Variants in WWOX observed in about 807,000 individuals in gnomAD.
WWOX encodes WW domain-containing oxidoreductase.
Under a neutral mutation model 46.2 loss-of-function variants are expected in WWOX, and 69 were observed. The ratio of observed to expected loss-of-function variants is 1.49; its 90% CI spans 1.23 to 1.82. The LOEUF (loss-of-function observed/expected upper bound fraction) is 1.82. Ranked by LOEUF, WWOX falls within the 40% of genes most tolerant of loss-of-function variation. The pLI is 0.00. For missense variants in WWOX, 919 were observed against 542.6 expected (o/e 1.69, Z -6.89); for synonymous variants, 359 against 202.6 (o/e 1.77, Z -6.56).
chr16:79,100,758 C>G (rs1395351871), intron 8 of WWOX, among the ~76,000 whole-genome samples: 1 of 152,096 alleles, frequency 6.6e-6, no homozygotes, highest in Non-Finnish European at 1.5e-5. Flanking sequence ...GGGACTGGGG[C>G]TGGGCTTGCA....
At chr16:78,929,537 G>C (rs755004341) in intron 8 of WWOX, among the ~76,000 whole-genome samples, 1 of 152,140 alleles carries the variant, frequency 6.6e-6, no homozygotes, top group Non-Finnish European at 1.5e-5. Context: ...TGGGATCCGA[G>C]TGAGATGGCC....
At chr16:78,975,593 A>G (rs567178373) in intron 8 of WWOX, among the ~76,000 whole-genome samples, 1 of 152,138 alleles carries the variant, frequency 6.6e-6, no homozygotes, top group East Asian at 1.9e-4. Flanking sequence ...CACATGGTAT[A>G]TGCCTCGTAA....
intron 8 of WWOX, among the ~76,000 whole-genome samples, chr16:79,121,736 T>C (rs1434916053): frequency 2.0e-5 from 3 of 151,832 alleles, no homozygotes; most frequent in Admixed American, 6.6e-5. Flanking sequence ...TTGCTGGGAG[T>C]CTGAGATAGA....
At chr16:78,140,265 C>A (rs542850739) in intron 4 of WWOX, among the ~76,000 whole-genome samples, 1 of 152,166 alleles carries the variant, frequency 6.6e-6, no homozygotes, top group Non-Finnish European at 1.5e-5. Flanking sequence ...TAAGAGTAAG[C>A]AGAATCTACC....
chr16:78,430,233 G>A (rs1458578626), intron 7 of WWOX, among the ~76,000 whole-genome samples: 1 of 152,090 alleles, frequency 6.6e-6, no homozygotes, highest in East Asian at 1.9e-4. Flanking sequence ...CATGAGAACA[G>A]TATGGGAGAA....
chr16:78,965,260 A>C (rs1176109531), intron 8 of WWOX, among the ~76,000 whole-genome samples: 1 of 152,198 alleles, frequency 6.6e-6, no homozygotes, highest in African/African-American at 2.4e-5. Flanking sequence ...ATGGTTGAAC[A>C]AGATGTTTAA....
chr16:79,103,544 A>G (rs576195309), intron 8 of WWOX, among the ~76,000 whole-genome samples: 1 of 152,246 alleles, frequency 6.6e-6, no homozygotes, highest in African/African-American at 2.4e-5. Context: ...GAACATGGAG[A>G]AAAGGGTGAT....
intron 8 of WWOX, among the ~76,000 whole-genome samples, chr16:78,556,672 T>G (rs1158740936): frequency 6.6e-6 from 1 of 152,172 alleles, no homozygotes; most frequent in Admixed American, 6.5e-5. Context: ...ACAACACTGC[T>G]TTGTATTTGT....
At chr16:79,050,158 C>T (rs1040410871) in intron 8 of WWOX, among the ~76,000 whole-genome samples, 5 of 152,120 alleles carry the variant, frequency 3.3e-5, no homozygotes, top group East Asian at 3.9e-4. Context: ...TTACTTCTCA[C>T]GTGTGTGTGG....
At chr16:79,124,922 T>C (rs1404232192) in intron 8 of WWOX, among the ~76,000 whole-genome samples, 1 of 152,208 alleles carries the variant, frequency 6.6e-6, no homozygotes, top group Non-Finnish European at 1.5e-5. Flanking sequence ...ACTGTCCTCA[T>C]TTTCAAGCTG....
intron 5 of WWOX, among the ~76,000 whole-genome samples, chr16:78,242,929 A>G (rs868839815): frequency 6.6e-6 from 1 of 152,012 alleles, no homozygotes; most frequent in Non-Finnish European, 1.5e-5. Context: ...AATTGCTTGA[A>G]CCTGGGAGGT....
At chr16:78,977,449 G>T (rs546798478) in intron 8 of WWOX, among the ~76,000 whole-genome samples, 1 of 152,290 alleles carries the variant, frequency 6.6e-6, no homozygotes, top group African/African-American at 2.4e-5. Flanking sequence ...CACACCAGAA[G>T]CTATAAGGAG....
chr16:78,944,425 A>G (rs1422566291), intron 8 of WWOX, among the ~76,000 whole-genome samples: 1 of 152,198 alleles, frequency 6.6e-6, no homozygotes, highest in African/African-American at 2.4e-5. Flanking sequence ...GTCAAATTAT[A>G]AACAGGTGAT....
intron 8 of WWOX, among the ~76,000 whole-genome samples, chr16:78,597,577 A>G (rs1442174722): frequency 1.3e-5 from 2 of 152,196 alleles, no homozygotes; most frequent in Non-Finnish European, 2.9e-5. Flanking sequence ...GCCAGGACTT[A>G]GATTTTTCTG....
chr16:79,096,984 G>C (rs866446021), intron 8 of WWOX, among the ~76,000 whole-genome samples: 1 of 152,132 alleles, frequency 6.6e-6, no homozygotes, highest in African/African-American at 2.4e-5. Context: ...AAGGGGGCAT[G>C]CTGTCATTCG....
rs1597165980 is a variant in WWOX at position 78,930,566 on chromosome 16, C to T, written c.1057-281042C>T. Among the ~76,000 whole-genome samples the T allele has an allele frequency of 4.0e-5, 6 of 149,236 alleles. No homozygotes were observed. The South Asian group carries it at 1.3e-3, about 32-fold the overall frequency. On this transcript the variant is annotated intron_variant, in intron 8 of 8. Transcript: ENST00000566780. ...TCAGCCTCCCAAAGTGCTGGGATCA[C>T]AGGCATAGGCTGCTGCACCAGGCAA...
intron 8 of WWOX, among the ~76,000 whole-genome samples, chr16:78,615,532 C>G (rs772062979): frequency 6.6e-6 from 1 of 151,978 alleles, no homozygotes; most frequent in African/African-American, 2.4e-5. Flanking sequence ...TCTCTAGTCT[C>G]AGCTGCTTGG....
chr16:78,828,612 C>G (rs1567588847), intron 8 of WWOX, among the ~76,000 whole-genome samples: 2 of 151,960 alleles, frequency 1.3e-5, no homozygotes, highest in Admixed American at 6.6e-5. Context: ...GACACATGTC[C>G]TAATAATAAA....
intron 5 of WWOX, among the ~76,000 whole-genome samples, chr16:78,165,847 G>GC (rs2034954362): frequency 6.6e-6 from 1 of 152,140 alleles, no homozygotes. Context: ...CTTATCTTGA[G>GC]CTCACTGAGC....
Sources: allele counts gnomAD v4.1 joint callset (sites outside exome capture counted in the v4.1 genomes callset), GRCh38; gene constraint gnomAD v4.1.1; transcripts MANE v1.5; gene names NCBI Gene and HGNC (gene_info 2026-07-23, HGNC 2026-07-21).